The following ARK2C variants were observed in gnomAD, a reference collection of about 807,000 sequenced individuals.
ARK2C encodes arkadia (RNF111) C-terminal like ring finger ubiquitin ligase 2C, also known as E3 ubiquitin-protein ligase ARK2C.
the ARK2C span, among the ~76,000 whole-genome samples, chr18:46,377,719 A>G: frequency 6.6e-6 from 1 of 152,298 alleles, no homozygotes; most frequent in African/African-American, 2.4e-5. Flanking sequence ...AGATCAATAA[A>G]GGCTTCAGGG....
chr18:46,407,437 A>C, the ARK2C span, among the ~76,000 whole-genome samples: 1 of 152,118 alleles, frequency 6.6e-6, no homozygotes, highest in Non-Finnish European at 1.5e-5. Flanking sequence ...CATTATTATT[A>C]TGTGGCTTTA....
At chr18:46,377,295 C>T in the ARK2C span, among the ~76,000 whole-genome samples, 1 of 152,282 alleles carries the variant, frequency 6.6e-6, no homozygotes, top group Middle Eastern at 3.4e-3. Flanking sequence ...CATGTCATCC[C>T]TCTTTCTCTC....
At chr18:46,436,549 A>G in the ARK2C span, among the ~76,000 whole-genome samples, 1 of 152,178 alleles carries the variant, frequency 6.6e-6, no homozygotes, top group Non-Finnish European at 1.5e-5. Flanking sequence ...GCCACTTGTC[A>G]GGCTTAGTCC....
the ARK2C span, among the ~76,000 whole-genome samples, chr18:46,394,907 T>G: frequency 1.3e-5 from 2 of 152,266 alleles, no homozygotes; most frequent in Admixed American, 6.5e-5. Flanking sequence ...TCTGCAAACC[T>G]GGAACATTTG....
the ARK2C span, chr18:46,435,416 G>A: frequency 6.4e-7 from 1 of 1,562,030 alleles, no homozygotes; most frequent in African/African-American, 1.3e-5. Flanking sequence ...CAGGGCCCCT[G>A]GGGGAGGAAG....
the ARK2C span, among the ~76,000 whole-genome samples, chr18:46,431,514 C>G: frequency 6.6e-6 from 1 of 152,196 alleles, no homozygotes. Context: ...CAGTTTCACC[C>G]TGGGGCTGTG....
the ARK2C span, among the ~76,000 whole-genome samples, chr18:46,347,391 T>C: frequency 6.6e-6 from 1 of 152,256 alleles, no homozygotes; most frequent in Admixed American, 6.5e-5. Context: ...CTGCCTCCTC[T>C]CCTGCCCCTC....
chr18:46,429,508 A>G, the ARK2C span, among the ~76,000 whole-genome samples: 17 of 152,340 alleles, frequency 1.1e-4, no homozygotes, highest in Admixed American at 5.2e-4. Flanking sequence ...TGTTATTCAT[A>G]TTGTGGAAGA....
chr18:46,450,438 G>C, the ARK2C span: 1 of 1,411,926 alleles, frequency 7.1e-7, no homozygotes, highest in Non-Finnish European at 1.0e-6. Flanking sequence ...GGTTGGTGGA[G>C]ATGCCATTAT....
the ARK2C span, among the ~76,000 whole-genome samples, chr18:46,373,742 G>T: frequency 6.6e-6 from 1 of 152,182 alleles, no homozygotes; most frequent in South Asian, 2.1e-4. Flanking sequence ...GCAGGTGTGG[G>T]GGGAATTGTT....
the ARK2C span, among the ~76,000 whole-genome samples, chr18:46,412,873 G>C: frequency 2.6e-5 from 4 of 152,044 alleles, no homozygotes; most frequent in African/African-American, 9.7e-5. Flanking sequence ...GGCCCAAAGG[G>C]GAGCCCTTTG....
the ARK2C span, among the ~76,000 whole-genome samples, chr18:46,369,575 C>T: frequency 0.23 from 34,870 of 151,942 alleles, 4,292 homozygotes; most frequent in East Asian, 0.46. Context: ...GGGCGGGATT[C>T]CCTATTCCCA....
At chr18:46,451,674 A>G in the ARK2C span, among the ~76,000 whole-genome samples, 3 of 152,308 alleles carry the variant, frequency 2.0e-5, no homozygotes, top group South Asian at 6.2e-4. Context: ...TCATGGTGGT[A>G]TGAACTTGTA....
At chr18:46,363,956 T>C in the ARK2C span, among the ~76,000 whole-genome samples, 1 of 146,756 alleles carries the variant, frequency 6.8e-6, no homozygotes, top group Admixed American at 6.7e-5. Context: ...TTTTTTTTTT[T>C]TTTTTGAGAG....
At chr18:46,433,305 G>A in the ARK2C span, 1 of 1,611,778 alleles carries the variant, frequency 6.2e-7, no homozygotes, top group South Asian at 1.1e-5. Flanking sequence ...ACCCCGTGCA[G>A]TCGCAGCCAG....
chr18:46,435,153 T>G, the ARK2C span: 122 of 657,094 alleles, frequency 1.9e-4, no homozygotes, highest in South Asian at 7.2e-4. Context: ...TGAAGCTCAG[T>G]GCTTGCTAGA....
chr18:46,398,641 G>C, the ARK2C span, among the ~76,000 whole-genome samples: 1 of 151,926 alleles, frequency 6.6e-6, no homozygotes, highest in Admixed American at 6.6e-5. Context: ...TGGGTTGGTG[G>C]GTCTGAATTG....
the ARK2C span, among the ~76,000 whole-genome samples, chr18:46,339,339 G>T: frequency 6.6e-6 from 1 of 152,150 alleles, no homozygotes; most frequent in African/African-American, 2.4e-5. Flanking sequence ...TGTTAAGTAT[G>T]TCAGAATTGT....
the ARK2C span, among the ~76,000 whole-genome samples, chr18:46,396,827 C>T: frequency 6.6e-6 from 1 of 152,208 alleles, no homozygotes; most frequent in African/African-American, 2.4e-5. Flanking sequence ...TGGTGGGGCC[C>T]TGTCTCTGGA....
Sources: allele counts gnomAD v4.1 joint callset (sites outside exome capture counted in the v4.1 genomes callset), GRCh38; gene constraint gnomAD v4.1.1; transcripts MANE v1.5; gene names NCBI Gene and HGNC (gene_info 2026-07-23, HGNC 2026-07-21).